Variants in DIP2C observed in about 807,000 individuals in gnomAD.
The protein encoded by DIP2C is disco-interacting protein 2 homolog C.
Under a neutral mutation model 192.4 loss-of-function variants are expected in DIP2C, and 33 were observed. The observed-to-expected ratio is 0.17, with a 90% CI of 0.13 to 0.23. The LOEUF (loss-of-function observed/expected upper bound fraction) is 0.23. Among genes scored for constraint, DIP2C ranks in the 10% least tolerant of loss-of-function variants. The probability of loss-of-function intolerance (pLI) is 1.00; values close to 1 mark genes in which losing one functional copy is unlikely to be tolerated. For missense variants in DIP2C, 1,537 were observed against 2,110.1 expected (o/e 0.73, Z 5.32); for synonymous variants, 979 against 864.1 (o/e 1.13, Z -2.33).
At chr10:277,829 G>A (rs1288261969) in intron 36 of DIP2C, among the ~76,000 whole-genome samples, 6 of 151,962 alleles carry the variant, frequency 3.9e-5, no homozygotes, top group Non-Finnish European at 5.9e-5. Flanking sequence ...CCATCTTCCC[G>A]AGTTCCCATT....
chr10:527,886 C>A (rs755030555), intron 1 of DIP2C, among the ~76,000 whole-genome samples: 2 of 152,190 alleles, frequency 1.3e-5, no homozygotes, highest in Non-Finnish European at 2.9e-5. Context: ...CAGTTGTTCA[C>A]CAACATCCAT....
chr10:401,559 T>G (rs1472090769), intron 9 of DIP2C, among the ~76,000 whole-genome samples: 1 of 62,404 alleles, frequency 1.6e-5, no homozygotes, highest in African/African-American at 6.5e-5. Context: ...TTTGGTACAT[T>G]TTCATCAGCA....
At chr10:287,224 C>G (rs1256840269) in intron 33 of DIP2C, among the ~76,000 whole-genome samples, 1 of 152,034 alleles carries the variant, frequency 6.6e-6, no homozygotes, top group Non-Finnish European at 1.5e-5. Flanking sequence ...GCTGGGATTA[C>G]AGGCATGAGA....
chr10:637,541 T>C (rs1180247191), intron 1 of DIP2C, among the ~76,000 whole-genome samples: 1 of 152,226 alleles, frequency 6.6e-6, no homozygotes, highest in African/African-American at 2.4e-5. Context: ...GGGAGCTCTC[T>C]GTAGTCCCTT....
At chr10:487,567 G>GTTTTTTTT (rs71376836) in intron 1 of DIP2C, among the ~76,000 whole-genome samples, 6 of 54,164 alleles carry the variant, frequency 1.1e-4, no homozygotes, top group African/African-American at 4.8e-4. Context: ...ATCAATGAGT[G>GTTTTTTTT]TTTTTTTTTT....
At chr10:483,665 T>C (rs1012941698) in intron 2 of DIP2C, among the ~76,000 whole-genome samples, 13 of 152,246 alleles carry the variant, frequency 8.5e-5, no homozygotes, top group African/African-American at 2.6e-4. Context: ...CCCTTGCTCC[T>C]GAGAGGGTGC....
At chr10:570,134 G>T (rs1467731530) in intron 1 of DIP2C, among the ~76,000 whole-genome samples, 1 of 152,188 alleles carries the variant, frequency 6.6e-6, no homozygotes, top group African/African-American at 2.4e-5. Context: ...ACAAATCCAT[G>T]TGGCTTCATC....
rs535693902 is a variant in DIP2C, at chr10:380,146, G to C, written c.1991+2501C>G. 2.2e-5 allele frequency among the ~76,000 whole-genome samples: 3 copies of C among 136,482 alleles called. No individual in the cohort carries two copies. In the East Asian group the frequency reaches 7.5e-4, roughly 34 times the overall value. 89.5% of individuals were successfully genotyped at this position (136,482 alleles called of 152,430 possible). A position where few individuals can be genotyped will look rare whatever the true frequency, so the allele number is the denominator to read the frequency against. Reference sequence around the variant, plus strand: ...TAACGTGCAGAAGAGGCTGTCCCTGGATGATGGTTAACGCACAGAAGAGGC... The same window carrying C: ...TAACGTGCAGAAGAGGCTGTCCCTGCATGATGGTTAACGCACAGAAGAGGC... On this transcript the variant is annotated intron_variant, in intron 17 of 36. Coordinates refer to ENST00000280886, the MANE Select transcript of DIP2C (RefSeq NM_014974.3).
intron 1 of DIP2C, among the ~76,000 whole-genome samples, chr10:565,356 A>G (rs1849406575): frequency 7.4e-6 from 1 of 135,868 alleles, no homozygotes; most frequent in East Asian, 2.0e-4. Context: ...CTGCATTCTA[A>G]AAAAAAAAAA....
chr10:423,034 CTG>C lies in DIP2C; in HGVS notation c.395-3_395-2del, dbSNP rs776690770. ...TCATCTTCTGAGCCAGAAGAGGTAT[CTG>C]TGTAAGAAGAAAGGTGATTTGCTGT... On this transcript the variant is annotated splice_acceptor_variant and splice_polypyrimidine_tract_variant and intron_variant, in intron 4 of 36. Transcript: ENST00000280886. LOFTEE classifies it high-confidence loss of function. 8 of 1,603,920 alleles carry C rather than the reference CTG, an allele frequency of 5.0e-6. No individual in the cohort carries two copies. In the African/African-American group the frequency reaches 8.0e-5, roughly 16 times the overall value.
At chr10:637,493 C>T (rs564708727) in intron 1 of DIP2C, among the ~76,000 whole-genome samples, 1 of 152,194 alleles carries the variant, frequency 6.6e-6, no homozygotes, top group Admixed American at 6.5e-5. Flanking sequence ...TCACAGACGG[C>T]GCCTTCTCAC....
At chr10:539,143 G>A (rs899453899) in intron 1 of DIP2C, among the ~76,000 whole-genome samples, 5 of 152,214 alleles carry the variant, frequency 3.3e-5, no homozygotes, top group African/African-American at 1.2e-4. Context: ...TGGGTTTACT[G>A]AATTCCTATG....
At chr10:481,841 C>A (rs1362752283) in intron 2 of DIP2C, among the ~76,000 whole-genome samples, 1 of 152,190 alleles carries the variant, frequency 6.6e-6, no homozygotes, top group East Asian at 1.9e-4. Flanking sequence ...CCCCGGCCCA[C>A]CCCCACAGGC....
In DIP2C at chr10:337,955, C is replaced by CGTGTGT. The variant is rs554936668; in HGVS notation, c.3584+3238_3584+3243dup. 4.2e-3 allele frequency among the ~76,000 whole-genome samples: 518 copies of CGTGTGT among 122,512 alleles called. 2 individuals are homozygous for CGTGTGT. The highest frequency in any genetic ancestry group is 0.016 in the African/African-American group (489 of 30,902). 80.4% of individuals were successfully genotyped at this position (122,512 alleles called of 152,430 possible). On this transcript the variant is annotated intron_variant, in intron 29 of 36. Transcript: ENST00000280886. Reference sequence around the variant, plus strand: ...TGTGTGCTGTGGAGGCCTAGACAGTCGTGTGTGTGTGTGCGTGTGTGTGTG... The same window carrying CGTGTGT: ...TGTGTGCTGTGGAGGCCTAGACAGTCGTGTGTGTGTGTGTGTGTGCGTGTGTGTGTG...
intron 10 of DIP2C, among the ~76,000 whole-genome samples, chr10:393,807 GAA>G (rs1245505707): frequency 1.1e-5 from 1 of 91,280 alleles, no homozygotes; most frequent in Non-Finnish European, 2.2e-5. Flanking sequence ...GAAAAAAAAA[GAA>G]AAAGAAAAAG....
intron 1 of DIP2C, among the ~76,000 whole-genome samples, chr10:611,191 C>T (rs1184970484): frequency 1.3e-5 from 1 of 77,798 alleles, no homozygotes; most frequent in African/African-American, 2.6e-5. Flanking sequence ...TGCATGGCAC[C>T]TTCCCCTTCA....
intron 4 of DIP2C, among the ~76,000 whole-genome samples, chr10:438,925 G>T (rs1245921357): frequency 6.6e-6 from 1 of 152,134 alleles, no homozygotes; most frequent in Non-Finnish European, 1.5e-5. Context: ...AGGCTCAAGT[G>T]ATTTTTCCAC....
At chr10:595,544 C>A (rs548158462) in intron 1 of DIP2C, among the ~76,000 whole-genome samples, 1 of 152,274 alleles carries the variant, frequency 6.6e-6, no homozygotes, top group South Asian at 2.1e-4. Context: ...ACCAAGAGAA[C>A]TGAAAGAATG....
chr10:395,131 TGGGGGAGGGAGGAGATG>T (rs1345830882), intron 10 of DIP2C, among the ~76,000 whole-genome samples: 3 of 47,424 alleles, frequency 6.3e-5, no homozygotes, highest in Non-Finnish European at 1.1e-4. Context: ...AGGGAGGAGT[TGGGGGAGGGAGGAGATG>T]GGGGGGAGGG....
Sources: allele counts gnomAD v4.1 joint callset (sites outside exome capture counted in the v4.1 genomes callset), GRCh38; gene constraint gnomAD v4.1.1; transcripts MANE v1.5; gene names NCBI Gene and HGNC (gene_info 2026-07-23, HGNC 2026-07-21).